MAML3: variants seen among roughly 807,000 people sequenced by gnomAD.
The protein encoded by MAML3 is mastermind-like protein 3.
Under a neutral mutation model 101.9 loss-of-function variants are expected in MAML3, and 27 were observed. The observed-to-expected ratio is 0.27, with a 90% confidence interval of 0.20 to 0.37. The LOEUF is 0.37. Among genes scored for constraint, MAML3 ranks in the 10% least tolerant of loss-of-function variants. MAML3 has a pLI of 1.00. For synonymous variants in MAML3, 501 were observed against 555.9 expected (o/e 0.90, Z 1.39); for missense variants, 1,316 against 1,444.9 (o/e 0.91, Z 1.45).
intron 2 of MAML3, among the ~76,000 whole-genome samples, chr4:139,807,778 A>C (rs1287144472): frequency 1.3e-5 from 2 of 152,198 alleles, no homozygotes; most frequent in African/African-American, 4.8e-5. Flanking sequence ...AAGAAGGTTG[A>C]CTTTATTATT....
At chr4:139,829,654 G>T (rs1731127410) in intron 2 of MAML3, among the ~76,000 whole-genome samples, 1 of 152,194 alleles carries the variant, frequency 6.6e-6, no homozygotes, top group African/African-American at 2.4e-5. Context: ...ACCAGTTCAG[G>T]AAAGTATTAA....
intron 1 of MAML3, among the ~76,000 whole-genome samples, chr4:139,990,966 G>A (rs1351082414): frequency 6.6e-6 from 1 of 152,126 alleles, no homozygotes; most frequent in African/African-American, 2.4e-5. Flanking sequence ...CACGAAAATG[G>A]TCATACTGCC....
At chr4:140,111,234 C>T (rs1423231501) in intron 1 of MAML3, among the ~76,000 whole-genome samples, 1 of 152,180 alleles carries the variant, frequency 6.6e-6, no homozygotes, top group Non-Finnish European at 1.5e-5. Context: ...TATTTGGTGG[C>T]TGCTGGATGG....
chr4:140,072,995 G>A (rs747525241), intron 1 of MAML3, among the ~76,000 whole-genome samples: 8 of 152,112 alleles, frequency 5.3e-5, no homozygotes, highest in African/African-American at 1.4e-4. Flanking sequence ...AATTTAAGTC[G>A]CCTCTCAACC....
intron 2 of MAML3, among the ~76,000 whole-genome samples, chr4:139,759,021 G>A (rs1212976307): frequency 6.6e-6 from 1 of 152,218 alleles, no homozygotes; most frequent in Non-Finnish European, 1.5e-5. Context: ...GATTGGTTGA[G>A]AGACTGGTTC....
intron 2 of MAML3, among the ~76,000 whole-genome samples, chr4:139,761,833 G>C (rs1222281726): frequency 6.6e-6 from 1 of 152,052 alleles, no homozygotes; most frequent in Non-Finnish European, 1.5e-5. Flanking sequence ...GAGTCAGGGA[G>C]AGTTTTCTCC....
At chr4:139,998,619 G>C (rs947164215) in intron 1 of MAML3, among the ~76,000 whole-genome samples, 2 of 152,166 alleles carry the variant, frequency 1.3e-5, no homozygotes, top group African/African-American at 4.8e-5. Context: ...TCCTAAGTAT[G>C]GGTTACACTC....
At chr4:139,997,175 G>A (rs954442126) in intron 1 of MAML3, among the ~76,000 whole-genome samples, 11 of 149,678 alleles carry the variant, frequency 7.3e-5, no homozygotes, top group African/African-American at 2.7e-4. Flanking sequence ...ATACATAATT[G>A]ATACAGTTGG....
intron 1 of MAML3, among the ~76,000 whole-genome samples, chr4:139,912,697 C>T (rs931198007): frequency 3.3e-5 from 5 of 152,238 alleles, no homozygotes; most frequent in South Asian, 4.1e-4. Flanking sequence ...TGCCGTTTGA[C>T]GGCGGAGGCA....
intron 1 of MAML3, among the ~76,000 whole-genome samples, chr4:139,942,557 T>G (rs1733628107): frequency 6.6e-6 from 1 of 152,156 alleles, no homozygotes; most frequent in Admixed American, 6.5e-5. Flanking sequence ...CCCCTTTGTT[T>G]TAGGCTGTAT....
Position 139,890,739 on chromosome 4 carries a change from C to T in MAML3, c.697G>A (p.Gly233Arg), listed in dbSNP as rs200229944. Residue 233 changes from glycine to arginine, a missense_variant, in exon 2 of 5, where the codon GGA becomes AGA. By Grantham distance (125) the Gly-to-Arg change is moderately radical. Coordinates refer to ENST00000509479, the MANE Select transcript of MAML3 (RefSeq NM_018717.5). The surrounding 1 kb of genome is among the most constrained non-coding windows in gnomAD (Gnocchi z 4.1). ...LKPSLPLQNSGTHTPGLLEDL... is the reference protein window; with the variant it reads ...LKPSLPLQNSRTHTPGLLEDL... The stretch of plus-strand genomic sequence containing the variant: ...TCTAGAAGCCCAGGAGTGTGAGTTC[C>T]ACTGTTCTGCAAGGGCAAAGAAGGT... 1.3e-4 allele frequency: 211 copies of T among 1,613,870 alleles called. 3 individuals are homozygous for T. The highest frequency in any genetic ancestry group is 2.7e-5 in the Non-Finnish European group (32 of 1,179,906).
chr4:139,938,313 C>A (rs953147424), intron 1 of MAML3, among the ~76,000 whole-genome samples: 6 of 152,102 alleles, frequency 3.9e-5, no homozygotes, highest in African/African-American at 1.4e-4. Context: ...CCCTACCGAC[C>A]ATCTAGCCTG....
At chr4:139,741,346 A>G (rs1206791556) in intron 2 of MAML3, among the ~76,000 whole-genome samples, 3 of 152,212 alleles carry the variant, frequency 2.0e-5, no homozygotes, top group Non-Finnish European at 4.4e-5. Flanking sequence ...CCTTGCATCC[A>G]CAAGAACCTT....
chr4:140,084,223 C>A (rs1201786498), intron 1 of MAML3, among the ~76,000 whole-genome samples: 1 of 152,168 alleles, frequency 6.6e-6, no homozygotes, highest in Non-Finnish European at 1.5e-5. Context: ...AATTACTAGA[C>A]AAGCAAAGGG....
intron 2 of MAML3, among the ~76,000 whole-genome samples, chr4:139,834,847 G>A (rs1038544085): frequency 6.6e-6 from 1 of 152,222 alleles, no homozygotes; most frequent in Admixed American, 6.5e-5. Context: ...GGAGAAGGGG[G>A]AGGGAGGGTT....
chr4:139,831,650 A>C (rs549162736), intron 2 of MAML3, among the ~76,000 whole-genome samples: 1 of 152,202 alleles, frequency 6.6e-6, no homozygotes, highest in Non-Finnish European at 1.5e-5. Context: ...TTAACCTTAG[A>C]CCCGAGCATG....
At chr4:140,119,047 T>C (rs998543730) in intron 1 of MAML3, among the ~76,000 whole-genome samples, 2 of 152,146 alleles carry the variant, frequency 1.3e-5, no homozygotes, top group African/African-American at 2.4e-5. Flanking sequence ...CTAGCTTCAA[T>C]ACATACATTA....
chr4:139,752,921 A>G (rs546263355), intron 2 of MAML3, among the ~76,000 whole-genome samples: 42 of 152,334 alleles, frequency 2.8e-4, no homozygotes, highest in African/African-American at 9.9e-4. Context: ...GAAAGAAAAT[A>G]GGATGGCGAG....
intron 1 of MAML3, among the ~76,000 whole-genome samples, chr4:140,071,125 C>T (rs1005556932): frequency 6.6e-6 from 1 of 152,262 alleles, no homozygotes; most frequent in Non-Finnish European, 1.5e-5. Flanking sequence ...TACTGTGCAC[C>T]TTGTCATTGT....
Sources: allele counts gnomAD v4.1 joint callset (sites outside exome capture counted in the v4.1 genomes callset), GRCh38; gene constraint gnomAD v4.1.1; non-coding constraint Gnocchi (gnomAD v3.1); transcripts MANE v1.5; gene names NCBI Gene and HGNC (gene_info 2026-07-23, HGNC 2026-07-21).